Variants in GATD1 observed in about 807,000 individuals in gnomAD.
The protein encoded by GATD1 is glutamine amidotransferase class 1 domain containing 1.
A neutral mutation model predicts 25.9 loss-of-function variants in GATD1; 23 were observed. The observed-to-expected ratio is 0.89, with a 90% CI of 0.64 to 1.26. GATD1 has a LOEUF of 1.26. Ranked by LOEUF, GATD1 falls within the 50% of genes most tolerant of loss-of-function variation. The pLI, the probability that GATD1 is intolerant of heterozygous loss-of-function variation, is 0.00. For synonymous variants in GATD1, 177 were observed against 134.6 expected, an observed-to-expected ratio of 1.31 and a Z score of -2.18; for missense variants, 347 against 312.5, an observed-to-expected ratio of 1.11 and a Z score of -0.83.
chr11:770,285 A>C lies in GATD1; in HGVS notation c.*612T>G. On this transcript the variant is annotated 3_prime_UTR_variant, in exon 8 of 8. Coordinates refer to ENST00000319863, the MANE Select transcript of GATD1 (RefSeq NM_182612.4). ...CAAGTAAACGTGCCTCTCAATGCTT[A>C]GGACAGGGTGCATCACTGAGGTGCT... 6.7e-7 allele frequency: 1 copy of C among 1,490,698 alleles called. No homozygotes were observed. Among genetic ancestry groups the C allele is most frequent in the African/African-American group, 1.4e-5 (1 of 71,238 alleles). The allele number at this position is 1,490,698 out of a possible 1,614,324, so 92.3% of individuals were successfully genotyped here. A position where few individuals can be genotyped will look rare whatever the true frequency, so the allele number is the denominator to read the frequency against.
chr11:771,573 G>A, intron 5 of GATD1, 147 bp from the exon 6 acceptor site: 1 of 1,404,772 alleles, frequency 7.1e-7, no homozygotes. Flanking sequence ...AGCTGCTAAG[G>A]CTGGAGGGCG....
Position 770,871 on chromosome 11 carries a change from T to C in GATD1, c.*26A>G. The C allele has an allele frequency of 6.3e-7, 1 of 1,594,576 alleles. No individual in the cohort carries two copies. The highest frequency in any genetic ancestry group is 8.6e-7 in the Non-Finnish European group (1 of 1,168,782). ...TGCCTCTGGAGACACCTGGGCTGTC[T>C]CAGGGGGTGCATCTACCCAGCAGGT... On this transcript the variant is annotated 3_prime_UTR_variant, in exon 8 of 8. Transcript: ENST00000319863.
intron 4 of GATD1, chr11:772,760 A>C (rs1863582474): frequency 1.2e-5 from 7 of 564,244 alleles, no homozygotes; most frequent in Non-Finnish European, 1.3e-5. Context: ...TAGAGCCCAA[A>C]TCTCAGGTTT....
chr11:773,713 C>T (rs530779942), intron 3 of GATD1, 84 bp from the exon 4 acceptor site: 5 of 1,032,586 alleles, frequency 4.8e-6, no homozygotes, highest in South Asian at 4.6e-5. Flanking sequence ...GTGGCCAGGA[C>T]AGACCCTCCA....
intron 6 of GATD1, 44 bp downstream of exon 6, chr11:771,289 C>G: frequency 6.3e-7 from 1 of 1,594,522 alleles, no homozygotes; most frequent in Non-Finnish European, 8.5e-7. Context: ...GGGAAGCCCC[C>G]CACCCCATCT....
chr11:771,431 G>A lies in GATD1; in HGVS notation c.451-5C>T, dbSNP rs201427720. On this transcript the variant is annotated splice_region_variant and splice_polypyrimidine_tract_variant and intron_variant, in intron 5 of 7. Transcript: ENST00000319863. The stretch of plus-strand genomic sequence containing the variant: ...GACGAGCTCACACACAGAGGGCTGC[G>A]GGAGCGGGGTGGGGGCTCCTGAGAC... 186 of 1,524,498 alleles carry A rather than the reference G, an allele frequency of 1.2e-4. No homozygotes were observed. In the African/African-American group the frequency reaches 2.0e-3, roughly 17 times the overall value. The allele number at this position is 1,524,498 out of a possible 1,614,324, so 94.4% of individuals were successfully genotyped here.
chr11:771,349 C>T lies in GATD1; in HGVS notation c.528G>A (p.Ser176=), dbSNP rs145460105. 3.8e-6 allele frequency: 6 copies of T among 1,597,818 alleles called. No individual in the cohort carries two copies. Among genetic ancestry groups the T allele is most frequent in the Admixed American group, 1.7e-5 (1 of 57,694 alleles). ...PLVVEDFVKD[S]GACFSASEPD... ...GAGGCTCACCACTGAAGCAGGCGCC[C>T]GAATCCTTCACGAAGTCCTCCACCA... The change falls in exon 6 of 8, where the codon TCG becomes TCA. Residue 176 remains serine (S), a synonymous_variant. Transcript: ENST00000319863.
Position 770,840 on chromosome 11 carries a change from C to T in GATD1, c.*57G>A, listed in dbSNP as rs953301239. On this transcript the variant is annotated 3_prime_UTR_variant, in exon 8 of 8. Coordinates refer to ENST00000319863, the MANE Select transcript of GATD1 (RefSeq NM_182612.4). ...GAGGCGGGGTCCCTGAAGCCTGAGA[C>T]GGGGCTGCCTCTGGAGACACCTGGG... The T allele has an allele frequency of 3.7e-5, 58 of 1,559,082 alleles. No individual in the cohort carries two copies. Among genetic ancestry groups the T allele is most frequent in the Admixed American group, 5.4e-5 (3 of 55,572 alleles).
intron 1 of GATD1, among the ~76,000 whole-genome samples, chr11:776,106 C>T (rs2133653315): frequency 6.6e-6 from 1 of 151,304 alleles, no homozygotes; most frequent in South Asian, 2.1e-4. Context: ...CCTCAGCCTC[C>T]CGAGTAGCTG....
chr11:773,305 A>G, intron 4 of GATD1: 1 of 465,768 alleles, frequency 2.1e-6, no homozygotes, highest in East Asian at 4.4e-5. Context: ...GAGCCCACCC[A>G]GAGGCCTGCA....
In GATD1 at chr11:771,295, C is replaced by T. The variant is rs766409775; in HGVS notation, c.544+38G>A. On this transcript the variant is annotated intron_variant, in intron 6 of 7. Coordinates refer to ENST00000319863, the MANE Select transcript of GATD1 (RefSeq NM_182612.4). ...GCTGCAGCAGGGAAGCCCCCCACCCCATCTTCTGTAAGTGCAGGGGGCACC... is the reference window on the plus strand; with the variant it reads ...GCTGCAGCAGGGAAGCCCCCCACCCTATCTTCTGTAAGTGCAGGGGGCACC... 3.8e-5 allele frequency: 61 copies of T among 1,599,036 alleles called. No homozygotes were observed. The Middle Eastern group carries it at 1.2e-3, about 30-fold the overall frequency.
In GATD1 at chr11:772,467, T is replaced by C; in HGVS notation, c.410A>G (p.Glu137Gly). The change falls in exon 5 of 8, where the codon GAG (glutamate) becomes GGG (glycine). Residue 137 changes from glutamate to glycine, a missense_variant. Physicochemically the swap from Glu to Gly is moderately conservative, Grantham distance 98. Coordinates refer to ENST00000319863, the MANE Select transcript of GATD1 (RefSeq NM_182612.4). ...GCTGTCGAACACCCAGGATCTGTCC[T>C]CGTTGGTGGCACAGCACAGGGCGGC... is the stretch of plus-strand genomic sequence containing the variant. The part of the protein sequence containing the change: ...GVAALCCATN[E>G]DRSWVFDSYS... 1 of 1,613,330 alleles carries C rather than the reference T, an allele frequency of 6.2e-7. No homozygotes were observed. The highest frequency in any genetic ancestry group is 8.5e-7 in the Non-Finnish European group (1 of 1,179,982).
Position 769,771 on chromosome 11 carries a change from G to A in GATD1, c.*1126C>T, listed in dbSNP as rs1466525601. 3 of 314,604 alleles carry A rather than the reference G, an allele frequency of 9.5e-6. No homozygotes were observed. The highest frequency in any genetic ancestry group is 2.3e-5 in the African/African-American group (1 of 44,362). The allele number at this position is 314,604 out of a possible 1,614,324, so 19.5% of individuals were successfully genotyped here. A position where few individuals can be genotyped will look rare whatever the true frequency, so the allele number is the denominator to read the frequency against. ...ACTACACACACCCACCACCATGCCAGGCTAACTTTTTGTATTTTTGTTTTT... is the reference window on the plus strand; with the variant it reads ...ACTACACACACCCACCACCATGCCAAGCTAACTTTTTGTATTTTTGTTTTT... On this transcript the variant is annotated 3_prime_UTR_variant, in exon 8 of 8. Transcript: ENST00000319863.
intron 4 of GATD1, 111 bp from the exon 5 acceptor site, chr11:772,632 C>T (rs1183155183): frequency 5.1e-6 from 5 of 986,062 alleles, no homozygotes; most frequent in African/African-American, 1.6e-5. Context: ...CTGCCTGGCC[C>T]CTCCTCCCAG....
chr11:775,157 A>G lies in GATD1; in HGVS notation c.65-15T>C. ...GGCCGACACACCTGCAGAAGGTCCC[A>G]GTGAGTGTGGGCTCGACAGGACTAG... On this transcript the variant is annotated splice_polypyrimidine_tract_variant and intron_variant, in intron 1 of 7. Coordinates refer to ENST00000319863, the MANE Select transcript of GATD1 (RefSeq NM_182612.4). The G allele has an allele frequency of 6.3e-7, 1 of 1,592,342 alleles. No homozygotes were observed. The highest frequency in any genetic ancestry group is 1.3e-5 in the African/African-American group (1 of 74,916).
rs1863466571 is a variant in GATD1, at chr11:771,736, G to A, written c.451-310C>T. Among the ~76,000 whole-genome samples the A allele has an allele frequency of 2.0e-5, 3 of 152,032 alleles. No homozygotes were observed. In the South Asian group the frequency reaches 6.2e-4, roughly 32 times the overall value. On this transcript the variant is annotated intron_variant, in intron 5 of 7. Coordinates refer to ENST00000319863, the MANE Select transcript of GATD1 (RefSeq NM_182612.4). ...GGGTGAGCCCCTTGGGCAGAGTGCTGGGGCGGGGCACCCTCTGGGCAGGAG... is the reference window on the plus strand; with the variant it reads ...GGGTGAGCCCCTTGGGCAGAGTGCTAGGGCGGGGCACCCTCTGGGCAGGAG...
chr11:771,586 G>A, intron 5 of GATD1, 160 bp from the exon 6 acceptor site: 3 of 1,398,132 alleles, frequency 2.1e-6, no homozygotes, highest in Non-Finnish European at 1.9e-6. Context: ...GGAGGGCGGA[G>A]AGATGACAAA....
At chr11:777,071 C>A (rs1033357110) in intron 1 of GATD1, 8 of 214,818 alleles carry the variant, frequency 3.7e-5, no homozygotes, top group African/African-American at 1.6e-4. Context: ...GCACGCGGCT[C>A]CCTCCGCTAG....
rs758923027 is a variant in GATD1, at chr11:771,028, CG to C, written c.620del (p.Pro207ArgfsTer19). The C allele has an allele frequency of 6.2e-7, 1 of 1,613,168 alleles. No homozygotes were observed. Among genetic ancestry groups the C allele is most frequent in the Non-Finnish European group, 8.5e-7 (1 of 1,179,936 alleles). Reference sequence around the variant, plus strand: ...AGAGGAAGAGCAGGTTCTGCACGGCCGGGACAGTGGAGCTGGCATTCTGGCC... The same window carrying C: ...AGAGGAAGAGCAGGTTCTGCACGGCCGGACAGTGGAGCTGGCATTCTGGCC... ...VTGQNASSTV[P>X]AVQNLLFLCG... On this transcript the variant is annotated frameshift_variant, in exon 7 of 8. Coordinates refer to ENST00000319863, the MANE Select transcript of GATD1 (RefSeq NM_182612.4). LOFTEE classifies it high-confidence loss of function.
Sources: gnomAD v4.1 joint callset for allele counts (sites outside exome capture counted in the v4.1 genomes callset) on GRCh38, gnomAD v4.1.1 for gene constraint, MANE v1.5 for transcripts, NCBI Gene and HGNC (gene_info 2026-07-23, HGNC 2026-07-21) for gene names.